The following DPP10 variants were observed in gnomAD, a reference collection of about 807,000 sequenced individuals.
DPP10 encodes inactive dipeptidyl peptidase 10.
A neutral mutation model predicts 120.9 loss-of-function variants in DPP10; 33 were observed. The observed-to-expected ratio is 0.27, with a 90% CI of 0.21 to 0.37. The LOEUF is 0.37. Ranked by LOEUF, DPP10 falls within the 10% of genes least tolerant of loss-of-function variation. The pLI is 1.00. For missense variants in DPP10, 816 were observed against 942.8 expected, an observed-to-expected ratio of 0.87 and a Z score of 1.76; for synonymous variants, 337 against 326.1, an observed-to-expected ratio of 1.03 and a Z score of -0.36.
intron 1 of DPP10, among the ~76,000 whole-genome samples, chr2:114,748,362 T>TTTTA (rs57013331): frequency 0.033 from 4,099 of 124,572 alleles, 116 homozygotes; most frequent in East Asian, 0.073. Context: ...TTTTTTTTTA[T>TTTTA]TTTATTTATT....
intron 1 of DPP10, among the ~76,000 whole-genome samples, chr2:114,481,833 A>T (rs1403382657): frequency 2.0e-5 from 3 of 151,906 alleles, no homozygotes; most frequent in Non-Finnish European, 4.4e-5. Context: ...ATAATCAGGC[A>T]GAAGGCAAAG....
chr2:114,802,027 A>G (rs1443671163), intron 1 of DPP10, among the ~76,000 whole-genome samples: 2 of 152,240 alleles, frequency 1.3e-5, no homozygotes, highest in Non-Finnish European at 2.9e-5. Flanking sequence ...CTAATTATTA[A>G]TATGGCATTA....
At chr2:115,812,911 A>G (rs1375446964) in intron 19 of DPP10, among the ~76,000 whole-genome samples, 1 of 151,142 alleles carries the variant, frequency 6.6e-6, no homozygotes, top group Non-Finnish European at 1.5e-5. Flanking sequence ...CACAGAAGGC[A>G]TTTATATTAG....
chr2:114,777,134 C>CT (rs1681821942), intron 1 of DPP10, among the ~76,000 whole-genome samples: 1 of 152,026 alleles, frequency 6.6e-6, no homozygotes, highest in African/African-American at 2.4e-5. Flanking sequence ...GAAATGTACT[C>CT]TTTGAGAATG....
At chr2:114,672,459 C>G (rs1253397311) in intron 1 of DPP10, among the ~76,000 whole-genome samples, 1 of 152,150 alleles carries the variant, frequency 6.6e-6, no homozygotes, top group Non-Finnish European at 1.5e-5. Context: ...TGCACTGATA[C>G]TCAGTGCTTA....
chr2:115,014,012 A>G (rs955614002), intron 1 of DPP10, among the ~76,000 whole-genome samples: 1 of 152,108 alleles, frequency 6.6e-6, no homozygotes, highest in African/African-American at 2.4e-5. Flanking sequence ...CATCTACAGA[A>G]CTCTCTACCC....
intron 1 of DPP10, among the ~76,000 whole-genome samples, chr2:114,935,880 T>A (rs1244327210): frequency 6.6e-6 from 1 of 151,492 alleles, no homozygotes; most frequent in Non-Finnish European, 1.5e-5. Flanking sequence ...TTTTTTTAAA[T>A]CAGTATCCTA....
intron 3 of DPP10, among the ~76,000 whole-genome samples, chr2:115,470,121 A>T (rs2074606194): frequency 6.6e-6 from 1 of 152,178 alleles, no homozygotes; most frequent in South Asian, 2.1e-4. Context: ...CAAACAATCA[A>T]AATCCTTACC....
chr2:115,299,592 T>C (rs1175725534), intron 1 of DPP10, among the ~76,000 whole-genome samples: 1 of 152,042 alleles, frequency 6.6e-6, no homozygotes. Flanking sequence ...ACTAATTCTG[T>C]CTATAAATTA....
chr2:114,527,713 T>G (rs1448367450), intron 1 of DPP10, among the ~76,000 whole-genome samples: 1 of 152,148 alleles, frequency 6.6e-6, no homozygotes, highest in Non-Finnish European at 1.5e-5. Context: ...TTTGTCATTA[T>G]GCAAACATCA....
intron 1 of DPP10, among the ~76,000 whole-genome samples, chr2:114,610,911 C>A (rs776329678): frequency 1.2e-4 from 18 of 152,050 alleles, no homozygotes; most frequent in Non-Finnish European, 2.5e-4. Context: ...ACCACCACCC[C>A]CCTTCTCCCA....
intron 1 of DPP10, among the ~76,000 whole-genome samples, chr2:114,598,105 G>C (rs975224834): frequency 7.9e-5 from 12 of 151,880 alleles, no homozygotes; most frequent in African/African-American, 2.9e-4. Context: ...AACAGCACAA[G>C]CAATGGCATA....
At chr2:115,559,222 G>A (rs1403597707) in intron 5 of DPP10, among the ~76,000 whole-genome samples, 1 of 152,072 alleles carries the variant, frequency 6.6e-6, no homozygotes, top group Non-Finnish European at 1.5e-5. Flanking sequence ...TTACCCAAAT[G>A]GGATGAGTGC....
At chr2:114,493,163 A>T (rs1682153693) in intron 1 of DPP10, among the ~76,000 whole-genome samples, 1 of 152,208 alleles carries the variant, frequency 6.6e-6, no homozygotes, top group Non-Finnish European at 1.5e-5. Context: ...GCACAGTGGC[A>T]GCAAAGTGTG....
intron 1 of DPP10, among the ~76,000 whole-genome samples, chr2:115,186,789 G>C (rs2054472267): frequency 6.6e-6 from 1 of 152,106 alleles, no homozygotes; most frequent in Non-Finnish European, 1.5e-5. Context: ...AGCAGCTTGG[G>C]CTTTACCCTA....
At chr2:115,549,278 A>G (rs979653352) in intron 5 of DPP10, among the ~76,000 whole-genome samples, 5 of 152,088 alleles carry the variant, frequency 3.3e-5, no homozygotes, top group Non-Finnish European at 5.9e-5. Context: ...ATTATTTTCT[A>G]TATCTGTGCT....
chr2:114,829,039 A>G (rs1009447436), intron 1 of DPP10, among the ~76,000 whole-genome samples: 4 of 152,168 alleles, frequency 2.6e-5, no homozygotes, highest in East Asian at 1.9e-4. Context: ...CTGTAATCCC[A>G]GCATTTTGGG....
intron 3 of DPP10, among the ~76,000 whole-genome samples, chr2:115,374,844 G>A (rs1559501516): frequency 1.3e-5 from 2 of 152,168 alleles, no homozygotes; most frequent in East Asian, 1.9e-4. Flanking sequence ...TGGGATGTAG[G>A]GTGCCACGTT....
In DPP10 at chr2:114,472,573, T is replaced by C. The variant is rs115813870; in HGVS notation, c.60+29735T>C. 9.2e-3 allele frequency among the ~76,000 whole-genome samples: 1,406 copies of C among 152,174 alleles called. 22 individuals carry two copies. Among genetic ancestry groups the C allele is most frequent in the African/African-American group, 0.031 (1,280 of 41,502 alleles). On this transcript the variant is annotated intron_variant, in intron 1 of 25. Coordinates refer to ENST00000410059, the MANE Select transcript of DPP10 (RefSeq NM_020868.6). ...AGTAGTCCCAGAACTGTTCTCACCT[T>C]CGATGCAGGCTGCGTCTCAGCCTAA...
Sources: allele counts gnomAD v4.1 joint callset (sites outside exome capture counted in the v4.1 genomes callset), GRCh38; gene constraint gnomAD v4.1.1; transcripts MANE v1.5; gene names NCBI Gene and HGNC (gene_info 2026-07-23, HGNC 2026-07-21).